SMARCA4: variants seen among roughly 807,000 people sequenced by gnomAD.
SMARCA4 encodes the protein SWI/SNF related BAF chromatin remodeling complex subunit ATPase 4.
SMARCA4 carries 31 observed loss-of-function variants against 193.9 expected under a neutral mutation model. That is an observed-to-expected ratio of 0.16 (90% CI 0.12 to 0.22). The LOEUF (loss-of-function observed/expected upper bound fraction) is 0.22. SMARCA4 is among the 10% of genes least tolerant of loss of function. SMARCA4 has a pLI of 1.00. For missense variants in SMARCA4, 1,148 were observed against 2,296.0 expected (o/e 0.50, Z 10.22); for synonymous variants, 942 against 933.1 (o/e 1.01, Z -0.17).
At chr19:11,023,777 T>C (rs1164532767) in intron 20 of SMARCA4, 146 bp downstream of exon 20, 2 of 700,600 alleles carry the variant, frequency 2.9e-6, no homozygotes, top group African/African-American at 3.5e-5. Context: ...CCACTGGGTC[T>C]GTAAAGCCCT....
chr19:11,022,540 C>T (rs535033500), intron 19 of SMARCA4, among the ~76,000 whole-genome samples: 67 of 152,342 alleles, frequency 4.4e-4, no homozygotes, highest in Middle Eastern at 6.8e-3. Context: ...GAGCTCCTTG[C>T]TGTTGGAGGT....
chr19:11,017,108 C>A (rs968765113), intron 16 of SMARCA4, among the ~76,000 whole-genome samples: 4 of 152,214 alleles, frequency 2.6e-5, no homozygotes, highest in African/African-American at 9.6e-5. Context: ...GCATCTGTTT[C>A]TGTGTTAAGC....
chr19:11,021,228 C>T (rs1456535902), intron 18 of SMARCA4: 2 of 263,538 alleles, frequency 7.6e-6, no homozygotes, highest in Non-Finnish European at 1.5e-5. Flanking sequence ...ACTGCGCCCC[C>T]TCCCGACCCG....
chr19:10,984,392 G>C lies in SMARCA4; in HGVS notation c.222+19G>C, dbSNP rs759047953. The stretch of plus-strand genomic sequence containing the variant: ...GCACAAGGTAGGGATCCCTGTGCCC[G>C]CCTCGCACCTGCGGCCTCTGCCCAC... On this transcript the variant is annotated intron_variant, in intron 2 of 34. Transcript: ENST00000344626. This position sits in a 1 kb window ranked among gnomAD's most constrained non-coding sequence, Gnocchi z 4.3. The C allele has an allele frequency of 4.5e-6, 7 of 1,562,614 alleles. No homozygotes were observed. In the Admixed American group the frequency reaches 1.3e-4, roughly 29 times the overall value.
intron 22 of SMARCA4, 27 bp downstream of exon 22, chr19:11,025,535 CA>C (rs746987431): frequency 1.7e-5 from 26 of 1,569,066 alleles, no homozygotes; most frequent in Non-Finnish European, 2.0e-5. Context: ...TGGGACGGCT[CA>C]GGCCCTGCTG....
rs778779846 is a variant in SMARCA4 at position 10,985,430 on chromosome 19, C to T, written c.355+25C>T. The T allele has an allele frequency of 6.2e-7, 1 of 1,612,684 alleles. No homozygotes were observed. Among genetic ancestry groups the T allele is most frequent in the South Asian group, 1.1e-5 (1 of 90,882 alleles). On this transcript the variant is annotated intron_variant, in intron 3 of 34. Coordinates refer to ENST00000344626, the MANE Select transcript of SMARCA4 (RefSeq NM_003072.5). This position sits in a 1 kb window ranked among gnomAD's most constrained non-coding sequence, Gnocchi z 4.5. ...GGTACAGAACTGCGTTCCTTCCTGC[C>T]TTGTGTTTGTCATACTCCAGAGTCC...
At chr19:10,993,090 A>AT (rs1254580904) in intron 8 of SMARCA4, among the ~76,000 whole-genome samples, 4 of 146,744 alleles carry the variant, frequency 2.7e-5, no homozygotes, top group African/African-American at 1.0e-4. Flanking sequence ...GGTTCAAGCG[A>AT]TTCTCCTGCC....
chr19:11,008,517 C>T (rs1004541534), intron 14 of SMARCA4, among the ~76,000 whole-genome samples: 2 of 152,318 alleles, frequency 1.3e-5, no homozygotes, highest in East Asian at 1.9e-4. Context: ...TGGTCCTCAG[C>T]GTGCAGTGTC....
intron 1 of SMARCA4, chr19:10,961,530 A>G (rs996668154): frequency 2.0e-5 from 3 of 152,038 alleles, no homozygotes; most frequent in Non-Finnish European, 4.4e-5. Flanking sequence ...GGCTGCAACA[A>G]TAGGCAGGCG....
At chr19:11,049,221 G>T (rs2146951060) in intron 30 of SMARCA4, among the ~76,000 whole-genome samples, 1 of 152,164 alleles carries the variant, frequency 6.6e-6, no homozygotes, top group East Asian at 1.9e-4. Context: ...GCTTGAGTGG[G>T]GCTGCGCCAG....
At chr19:11,042,250 A>G (rs534560527) in intron 30 of SMARCA4, among the ~76,000 whole-genome samples, 1 of 152,252 alleles carries the variant, frequency 6.6e-6, no homozygotes, top group South Asian at 2.1e-4. Context: ...TGCCATTTAT[A>G]TGTTTTTCAT....
At chr19:10,973,433 C>T (rs1027657242) in intron 1 of SMARCA4, among the ~76,000 whole-genome samples, 2 of 151,308 alleles carry the variant, frequency 1.3e-5, no homozygotes, top group Admixed American at 6.6e-5. Context: ...GACGGAGTCT[C>T]GCTGTCACCC....
chr19:11,001,324 C>G (rs562620925), intron 11 of SMARCA4, among the ~76,000 whole-genome samples: 1 of 152,188 alleles, frequency 6.6e-6, no homozygotes, highest in East Asian at 1.9e-4. Flanking sequence ...AAATAATTAC[C>G]TGGGCATGGT....
At chr19:11,048,096 C>T (rs1439886249) in intron 30 of SMARCA4, among the ~76,000 whole-genome samples, 3 of 152,178 alleles carry the variant, frequency 2.0e-5, no homozygotes, top group African/African-American at 7.2e-5. Flanking sequence ...CTTGGCCCCA[C>T]ACAGCTGCAC....
In SMARCA4 at chr19:10,985,214, C is replaced by T. The variant is rs908964467; in HGVS notation, c.223-59C>T. ...CGAGCTTCTCTCGGGCAGCGCATAG[C>T]TGCGCTGCCACCTCACGTTCCACAT... On this transcript the variant is annotated intron_variant, in intron 2 of 34. Transcript: ENST00000344626. The surrounding 1 kb of genome is among the most constrained non-coding windows in gnomAD (Gnocchi z 4.5). The T allele has an allele frequency of 1.9e-6, 3 of 1,586,400 alleles. No individual in the cohort carries two copies. Among genetic ancestry groups the T allele is most frequent in the Admixed American group, 1.7e-5 (1 of 59,932 alleles).
chr19:11,015,353 C>T (rs753978219), intron 16 of SMARCA4, among the ~76,000 whole-genome samples: 1 of 152,216 alleles, frequency 6.6e-6, no homozygotes, highest in East Asian at 1.9e-4. Context: ...GTGGCAGTTC[C>T]TCATTTCGTC....
chr19:10,979,048 C>T (rs2085358585), intron 1 of SMARCA4, among the ~76,000 whole-genome samples: 1 of 152,096 alleles, frequency 6.6e-6, no homozygotes. Context: ...CAAATGAAGA[C>T]CATAAGAAGA....
At position 11,060,027 on chromosome 19, in the gene SMARCA4, C is replaced by T. The variant is rs772067768; in HGVS notation, c.4769-18C>T. ...TTCCCAGAGCTCAAGGCTGTCTTTC[C>T]CTCCCGGTCCCCTCCAGCTCGGTCC... On this transcript the variant is annotated intron_variant, in intron 33 of 34. Transcript: ENST00000344626. 11 of 1,581,536 alleles carry T rather than the reference C, an allele frequency of 7.0e-6. No individual in the cohort carries two copies. Among genetic ancestry groups the T allele is most frequent in the Non-Finnish European group, 8.6e-6 (10 of 1,164,186 alleles).
intron 34 of SMARCA4, among the ~76,000 whole-genome samples, chr19:11,061,204 A>AAAAATAT (rs1555797070): frequency 2.4e-4 from 11 of 45,216 alleles, no homozygotes; most frequent in African/African-American, 1.1e-3. Context: ...AAAAAAAAAA[A>AAAAATAT]ATATATATAT....
Sources: allele counts gnomAD v4.1 joint callset (sites outside exome capture counted in the v4.1 genomes callset), GRCh38; gene constraint gnomAD v4.1.1; non-coding constraint Gnocchi (gnomAD v3.1); transcripts MANE v1.5; gene names NCBI Gene and HGNC (gene_info 2026-07-23, HGNC 2026-07-21).